PLPPR1: variants seen among roughly 807,000 people sequenced by gnomAD.
PLPPR1 encodes the protein phospholipid phosphatase related 1.
In PLPPR1, 10 loss-of-function variants were observed where a neutral mutation model predicts 33.1. That is an observed-to-expected ratio of 0.30 (90% CI 0.19 to 0.51). The LOEUF is 0.51. PLPPR1 is among the 20% of genes least tolerant of loss of function. The pLI is 0.97. For synonymous variants in PLPPR1, 151 were observed against 151.0 expected (o/e 1.00, Z 0.00); for missense variants, 304 against 408.1 (o/e 0.74, Z 2.20).
chr9:101,046,586 T>C (rs146302971), intron 1 of PLPPR1, among the ~76,000 whole-genome samples: 2,161 of 151,878 alleles, frequency 0.014, 55 homozygotes, highest in African/African-American at 0.05. Flanking sequence ...ACTACCTGCG[T>C]CTGCCACCAC....
intron 4 of PLPPR1, among the ~76,000 whole-genome samples, chr9:101,304,304 A>G (rs1021016100): frequency 2.0e-5 from 3 of 152,216 alleles, no homozygotes; most frequent in African/African-American, 7.2e-5. Flanking sequence ...ACAAGTTTCT[A>G]TGCTCTTTTA....
At chr9:101,076,909 G>A (rs10989380) in intron 1 of PLPPR1, among the ~76,000 whole-genome samples, 16 of 152,120 alleles carry the variant, frequency 1.1e-4, no homozygotes, top group South Asian at 2.1e-4. Flanking sequence ...CCATTTCCTC[G>A]GCTTCTTCCC....
intron 1 of PLPPR1, among the ~76,000 whole-genome samples, chr9:101,121,998 G>A (rs1172032941): frequency 6.6e-6 from 1 of 152,202 alleles, no homozygotes; most frequent in Non-Finnish European, 1.5e-5. Flanking sequence ...CATGGAGGTA[G>A]CATTTTCCAA....
chr9:101,052,715 T>A (rs1031562326), intron 1 of PLPPR1, among the ~76,000 whole-genome samples: 13 of 152,210 alleles, frequency 8.5e-5, no homozygotes, highest in Non-Finnish European at 5.9e-5. Flanking sequence ...TATTTTCTAA[T>A]GTCCCATTGG....
intron 1 of PLPPR1, among the ~76,000 whole-genome samples, chr9:101,110,743 G>A (rs1831045674): frequency 6.6e-6 from 1 of 152,138 alleles, no homozygotes; most frequent in African/African-American, 2.4e-5. Flanking sequence ...CATCTAAAGT[G>A]CAGGGTGGCA....
At chr9:101,100,192 C>T (rs915538607) in intron 1 of PLPPR1, among the ~76,000 whole-genome samples, 8 of 151,598 alleles carry the variant, frequency 5.3e-5, no homozygotes, top group East Asian at 1.9e-4. Flanking sequence ...AAATTTAGAA[C>T]GCAGCAAAGT....
chr9:101,050,316 G>A (rs1198855580), intron 1 of PLPPR1, among the ~76,000 whole-genome samples: 2 of 152,040 alleles, frequency 1.3e-5, no homozygotes, highest in African/African-American at 2.4e-5. Context: ...ATGTACATGT[G>A]TTGAGAGAAT....
chr9:101,029,761 T>C (rs565686016), intron 1 of PLPPR1, among the ~76,000 whole-genome samples: 2 of 152,214 alleles, frequency 1.3e-5, no homozygotes, highest in South Asian at 4.1e-4. Flanking sequence ...AGGCTTGCCA[T>C]AATCACCTCC....
chr9:101,047,903 C>T (rs1830172831), intron 1 of PLPPR1, among the ~76,000 whole-genome samples: 1 of 152,196 alleles, frequency 6.6e-6, no homozygotes, highest in Non-Finnish European at 1.5e-5. Context: ...CTACTGATCA[C>T]AGCTAAGGTA....
intron 2 of PLPPR1, among the ~76,000 whole-genome samples, chr9:101,230,995 T>C (rs1827172212): frequency 6.6e-6 from 1 of 152,068 alleles, no homozygotes; most frequent in African/African-American, 2.4e-5. Context: ...GAATTTTCTT[T>C]GGCAGGAGGT....
At position 101,166,841 on chromosome 9, in the gene PLPPR1, G is replaced by A. The variant is rs117296650; in HGVS notation, c.-45-18609G>A. On this transcript the variant is annotated intron_variant, in intron 1 of 7. Coordinates refer to ENST00000374874, the MANE Select transcript of PLPPR1 (RefSeq NM_207299.2). ...ATGCACACAGTGCTCCCCTGACTGC[G>A]TAGCAGTGCAGGCAAACCATGGCCA... Among the ~76,000 whole-genome samples the A allele has an allele frequency of 1.4e-4, 21 of 152,066 alleles. No homozygotes were observed. In the East Asian group the frequency reaches 2.2e-3, roughly 16 times the overall value.
intron 4 of PLPPR1, among the ~76,000 whole-genome samples, chr9:101,304,975 T>G (rs550164982): frequency 1.3e-5 from 2 of 151,154 alleles, no homozygotes; most frequent in African/African-American, 4.9e-5. Context: ...AGTCTCTCTG[T>G]AAATACATTT....
intron 2 of PLPPR1, among the ~76,000 whole-genome samples, chr9:101,251,445 A>G (rs1588095736): frequency 6.6e-6 from 1 of 152,182 alleles, no homozygotes; most frequent in East Asian, 1.9e-4. Flanking sequence ...TAAGCAAACC[A>G]TTGTACCAAA....
intron 1 of PLPPR1, among the ~76,000 whole-genome samples, chr9:101,114,009 G>T (rs1831089985): frequency 6.6e-6 from 1 of 151,956 alleles, no homozygotes; most frequent in African/African-American, 2.4e-5. Flanking sequence ...GGGAAAGACA[G>T]TGACAGGCAG....
intron 2 of PLPPR1, among the ~76,000 whole-genome samples, chr9:101,217,895 A>G (rs574685824): frequency 6.6e-6 from 1 of 152,358 alleles, no homozygotes; most frequent in East Asian, 1.9e-4. Flanking sequence ...TAAACCTAGT[A>G]TCTCAAGAAA....
Position 101,078,360 on chromosome 9 carries a change from G to A in PLPPR1, c.-46+49258G>A, listed in dbSNP as rs571180223. Among the ~76,000 whole-genome samples the A allele has an allele frequency of 4.6e-5, 7 of 151,748 alleles. No homozygotes were observed. The East Asian group carries it at 5.9e-4, about 13-fold the overall frequency. ...GCAGAAAACCCTGGGGACAGACAAC[G>A]ATATTTAAAAAGTTGTTTTAGGAAA... On this transcript the variant is annotated intron_variant, in intron 1 of 7. Coordinates refer to ENST00000374874, the MANE Select transcript of PLPPR1 (RefSeq NM_207299.2).
intron 1 of PLPPR1, among the ~76,000 whole-genome samples, chr9:101,156,737 G>C (rs992548579): frequency 6.6e-6 from 1 of 152,052 alleles, no homozygotes; most frequent in Non-Finnish European, 1.5e-5. Flanking sequence ...ACCTGAGGGA[G>C]GTTTTAATGA....
At chr9:101,215,217 G>T (rs1826767322) in intron 2 of PLPPR1, among the ~76,000 whole-genome samples, 1 of 151,956 alleles carries the variant, frequency 6.6e-6, no homozygotes, top group Non-Finnish European at 1.5e-5. Context: ...ACCAGGAGAG[G>T]TTCAGAAAGC....
chr9:101,254,005 A>C (rs778591364), intron 2 of PLPPR1, among the ~76,000 whole-genome samples: 2 of 152,084 alleles, frequency 1.3e-5, no homozygotes, highest in African/African-American at 4.8e-5. Context: ...CTTTTTAGTC[A>C]GTAGAACATA....
Sources: gnomAD v4.1 joint callset for allele counts (sites outside exome capture counted in the v4.1 genomes callset) on GRCh38, gnomAD v4.1.1 for gene constraint, MANE v1.5 for transcripts, NCBI Gene and HGNC (gene_info 2026-07-23, HGNC 2026-07-21) for gene names.